The following ASIC2 variants were observed in gnomAD, a reference collection of about 807,000 sequenced individuals.
The protein encoded by ASIC2 is acid-sensing ion channel 2.
ASIC2 carries 25 observed loss-of-function variants against 57.3 expected under a neutral mutation model. The observed-to-expected ratio is 0.44, with a 90% CI of 0.32 to 0.61. The LOEUF (loss-of-function observed/expected upper bound fraction) is 0.61. Ranked by LOEUF, ASIC2 falls within the 20% of genes least tolerant of loss-of-function variation. The pLI is 0.06. For synonymous variants in ASIC2, 319 were observed against 307.5 expected, an observed-to-expected ratio of 1.04 and a Z score of -0.39; for missense variants, 641 against 738.1, an observed-to-expected ratio of 0.87 and a Z score of 1.52.
chr17:33,317,503 T>C (rs1304727767), intron 1 of ASIC2, among the ~76,000 whole-genome samples: 2 of 152,226 alleles, frequency 1.3e-5, no homozygotes, highest in African/African-American at 2.4e-5. Flanking sequence ...GTCCAAGACC[T>C]TCATCTAAGG....
intron 1 of ASIC2, among the ~76,000 whole-genome samples, chr17:34,106,891 G>A (rs1911080635): frequency 6.6e-6 from 1 of 152,070 alleles, no homozygotes; most frequent in African/African-American, 2.4e-5. Context: ...AATTATGGGT[G>A]CTATTTATAC....
intron 1 of ASIC2, among the ~76,000 whole-genome samples, chr17:33,457,332 T>C (rs1912485546): frequency 6.6e-6 from 1 of 151,956 alleles, no homozygotes; most frequent in South Asian, 2.1e-4. Context: ...ATTCATCAAA[T>C]ACTTTTCTAA....
chr17:33,032,464 TTTG>T (rs1167364301), intron 3 of ASIC2, among the ~76,000 whole-genome samples: 1 of 105,518 alleles, frequency 9.5e-6, no homozygotes, highest in African/African-American at 3.1e-5. Context: ...TTTTTTTTTT[TTTG>T]AGACAAAGTC....
chr17:33,951,966 C>T (rs896757355), intron 1 of ASIC2, among the ~76,000 whole-genome samples: 1 of 152,080 alleles, frequency 6.6e-6, no homozygotes, highest in African/African-American at 2.4e-5. Context: ...AGGAGGGGAG[C>T]ACTGGTTACA....
intron 1 of ASIC2, among the ~76,000 whole-genome samples, chr17:33,929,036 C>G (rs1915878462): frequency 6.6e-6 from 1 of 152,114 alleles, no homozygotes; most frequent in Non-Finnish European, 1.5e-5. Context: ...TGCTTTTACT[C>G]AAACCAGATA....
At chr17:33,838,334 C>T (rs1161677231) in intron 1 of ASIC2, among the ~76,000 whole-genome samples, 6 of 152,084 alleles carry the variant, frequency 3.9e-5, no homozygotes, top group Admixed American at 1.3e-4. Flanking sequence ...CCCCAGTGTT[C>T]GAGAGTATTG....
intron 1 of ASIC2, among the ~76,000 whole-genome samples, chr17:34,065,707 T>C (rs887238415): frequency 4.6e-5 from 7 of 152,072 alleles, no homozygotes; most frequent in Non-Finnish European, 8.8e-5. Context: ...GTCTTGATCA[T>C]TGCATTCTGA....
chr17:33,161,857 G>GTTTTTTTTTT (rs199823485), intron 1 of ASIC2, among the ~76,000 whole-genome samples: 2 of 94,200 alleles, frequency 2.1e-5, no homozygotes, highest in African/African-American at 4.1e-5. Context: ...GAATTCCTAG[G>GTTTTTTTTTT]TTTTTTTTTT....
intron 1 of ASIC2, among the ~76,000 whole-genome samples, chr17:33,631,787 C>T (rs1906180468): frequency 6.6e-6 from 1 of 152,040 alleles, no homozygotes; most frequent in Admixed American, 6.5e-5. Context: ...AATGTGTTCC[C>T]CTGGGAGGGC....
chr17:33,180,991 T>C (rs148422130), intron 1 of ASIC2, among the ~76,000 whole-genome samples: 368 of 152,222 alleles, frequency 2.4e-3, no homozygotes, highest in African/African-American at 8.4e-3. Flanking sequence ...CAGAGAACCT[T>C]TGGGGAGTTT....
chr17:33,223,053 G>T (rs1368287850), intron 1 of ASIC2, among the ~76,000 whole-genome samples: 1 of 152,180 alleles, frequency 6.6e-6, no homozygotes, highest in African/African-American at 2.4e-5. Flanking sequence ...GCCATGTTCA[G>T]AAAAACGCTT....
At chr17:34,100,447 A>G (rs1380633023) in intron 1 of ASIC2, among the ~76,000 whole-genome samples, 38 of 152,194 alleles carry the variant, frequency 2.5e-4, no homozygotes, top group Admixed American at 2.5e-3. Context: ...CTCATTCATT[A>G]TTAAAACACA....
In ASIC2 at chr17:33,088,848, G is replaced by A. The variant is rs1340903516; in HGVS notation, c.987+15C>T. 2 of 1,603,470 alleles carry A rather than the reference G, an allele frequency of 1.2e-6. No homozygotes were observed. The highest frequency in any genetic ancestry group is 2.7e-5 in the African/African-American group (2 of 74,632). On this transcript the variant is annotated intron_variant, in intron 3 of 9. Coordinates refer to ENST00000225823, the MANE Select transcript of ASIC2 (RefSeq NM_183377.2). ...AGGCTGAGGACCATCAATCCTGGGA[G>A]CCCAGGGAACTTACCCTCTGCTCCT... is the stretch of plus-strand genomic sequence containing the variant.
intron 1 of ASIC2, among the ~76,000 whole-genome samples, chr17:33,307,648 T>A (rs1906240940): frequency 6.6e-6 from 1 of 152,164 alleles, no homozygotes; most frequent in Non-Finnish European, 1.5e-5. Flanking sequence ...ACATTCCCCT[T>A]CTCTAAAACT....
intron 1 of ASIC2, among the ~76,000 whole-genome samples, chr17:33,429,352 C>A (rs577955412): frequency 1.3e-5 from 2 of 152,162 alleles, no homozygotes; most frequent in African/African-American, 2.4e-5. Flanking sequence ...GGAGAAGTAC[C>A]TTGTTCAGCC....
intron 1 of ASIC2, among the ~76,000 whole-genome samples, chr17:33,671,297 T>C (rs1907631261): frequency 6.6e-6 from 1 of 152,098 alleles, no homozygotes; most frequent in Non-Finnish European, 1.5e-5. Flanking sequence ...ACACCCAGCA[T>C]AGCATTTAAA....
At chr17:34,009,299 C>T (rs1906634323) in intron 1 of ASIC2, among the ~76,000 whole-genome samples, 1 of 152,128 alleles carries the variant, frequency 6.6e-6, no homozygotes, top group African/African-American at 2.4e-5. Context: ...TAGCAGCAGC[C>T]TAGAGATGCC....
rs545551115 is a variant in ASIC2 at position 33,741,725 on chromosome 17, A to T, written c.555+414253T>A. ...AGACAATGCAGTTTTCTCCTGCTCTACTCAGACATAATCACCATGAGCCCA... is the reference window on the plus strand; with the variant it reads ...AGACAATGCAGTTTTCTCCTGCTCTTCTCAGACATAATCACCATGAGCCCA... On this transcript the variant is annotated intron_variant, in intron 1 of 9. Coordinates refer to the ASIC2 transcript ENST00000359872. Among the ~76,000 whole-genome samples the T allele has an allele frequency of 1.1e-4, 17 of 152,276 alleles. No homozygotes were observed. The East Asian group carries it at 3.1e-3, about 28-fold the overall frequency.
chr17:33,188,513 C>G (rs964817768), intron 1 of ASIC2, among the ~76,000 whole-genome samples: 2 of 151,982 alleles, frequency 1.3e-5, no homozygotes, highest in Non-Finnish European at 2.9e-5. Flanking sequence ...CAAAGCATAT[C>G]AAAACCAAAT....
Sources: allele counts gnomAD v4.1 joint callset (sites outside exome capture counted in the v4.1 genomes callset), GRCh38; gene constraint gnomAD v4.1.1; transcripts MANE v1.5; gene names NCBI Gene and HGNC (gene_info 2026-07-23, HGNC 2026-07-21).